Variants in NDUFA10 observed in about 807,000 individuals in gnomAD.
NDUFA10 encodes NADH:ubiquinone oxidoreductase subunit A10.
NDUFA10 carries 40 observed loss-of-function variants against 47.8 expected under a neutral mutation model. That is an observed-to-expected ratio of 0.84 (90% confidence interval 0.65 to 1.09). The LOEUF (loss-of-function observed/expected upper bound fraction) is 1.09, where lower values mean the gene tolerates loss of function less well. NDUFA10 is among the 50% of genes least tolerant of loss of function. The pLI is 0.00. For missense variants in NDUFA10, 413 were observed against 451.1 expected, an observed-to-expected ratio of 0.92 and a Z score of 0.76; for synonymous variants, 183 against 172.2, an observed-to-expected ratio of 1.06 and a Z score of -0.49.
At chr2:239,950,728 G>A (rs1284353229) in intron 4 of NDUFA10, among the ~76,000 whole-genome samples, 1 of 152,238 alleles carries the variant, frequency 6.6e-6, no homozygotes, top group Non-Finnish European at 1.5e-5. Flanking sequence ...ACGTGCAGGT[G>A]AGTGGCAGCC....
At chr2:239,963,432 TCA>T in intron 9 of NDUFA10, among the ~76,000 whole-genome samples, 1 of 152,326 alleles carries the variant, frequency 6.6e-6, no homozygotes, top group Non-Finnish European at 1.5e-5. Context: ...CTTTCTGGCT[TCA>T]CAGTCTGACA....
Position 239,915,366 on chromosome 2 carries a change from GAC to G in NDUFA10, c.295-20054_295-20053del, listed in dbSNP as rs1330862509. Among the ~76,000 whole-genome samples, 21 of 136,540 alleles carry G rather than the reference GAC, an allele frequency of 1.5e-4. 2 individuals are homozygous for G. The highest frequency in any genetic ancestry group is 6.1e-4 in the African/African-American group (21 of 34,366). 89.6% of individuals were successfully genotyped at this position (136,540 alleles called of 152,430 possible). ...ATACTCAGACACACACAAATATACA[GAC>G]ACACACAGAGACAGAGATACACATA... On this transcript the variant is annotated intron_variant, in intron 4 of 5. Coordinates refer to the NDUFA10 transcript ENST00000419408.
chr2:239,993,845 T>C (rs1470076554), intron 8 of NDUFA10, among the ~76,000 whole-genome samples: 1 of 151,868 alleles, frequency 6.6e-6, no homozygotes, highest in African/African-American at 2.4e-5. Flanking sequence ...AGGATTATGG[T>C]TGACAGAGGA....
chr2:240,007,373 G>GT lies in NDUFA10; in HGVS notation c.750-4dup, dbSNP rs749878799. Reference sequence around the variant, plus strand: ...ATTGTAAAACCTCACATTTTTCACTGTAAGAAAAAACAAGATGAAATTCAG... The same window carrying GT: ...ATTGTAAAACCTCACATTTTTCACTGTTAAGAAAAAACAAGATGAAATTCAG... On this transcript the variant is annotated splice_polypyrimidine_tract_variant and splice_region_variant and intron_variant, in intron 6 of 9. Coordinates refer to ENST00000252711, the MANE Select transcript of NDUFA10 (RefSeq NM_004544.4). 1 of 1,576,676 alleles carries GT rather than the reference G, an allele frequency of 6.3e-7. No homozygotes were observed. The highest frequency in any genetic ancestry group is 1.1e-5 in the South Asian group (1 of 90,280).
intron 9 of NDUFA10, chr2:239,983,633 C>G: frequency 6.3e-7 from 1 of 1,583,138 alleles, no homozygotes; most frequent in South Asian, 1.2e-5. Context: ...GTCAGGGCCA[C>G]GGTGCCAGGC....
chr2:239,959,963 T>C lies in NDUFA10; in HGVS notation c.*1155A>G. On this transcript the variant is annotated 3_prime_UTR_variant, in exon 10 of 10. Transcript: ENST00000252711. The stretch of plus-strand genomic sequence containing the variant: ...CCGCGGGGAGCAGAGCATCGTCCTC[T>C]GCACCAGCACTGGAACTACTGCCCA... The C allele has an allele frequency of 1.0e-6, 1 of 985,520 alleles. No individual in the cohort carries two copies. 61.0% of individuals were successfully genotyped at this position (985,520 alleles called of 1,614,324 possible). A position where few individuals can be genotyped will look rare whatever the true frequency, so the allele number is the denominator to read the frequency against.
rs35575752 is a variant in NDUFA10, at chr2:239,945,015, GCTT to G, written c.294+45056_294+45058del. Among the ~76,000 whole-genome samples the G allele has an allele frequency of 0.44, 66,741 of 151,650 alleles. 15,064 individuals are homozygous for G. Among genetic ancestry groups the G allele is most frequent in the East Asian group, 0.66 (3,366 of 5,088 alleles). ...ACTTCCCAGGGGGCCTGTGGAGGCT[GCTT>G]CTTTATTGCAAGGTGCCTCCCCGAG... On this transcript the variant is annotated intron_variant, in intron 4 of 5. Transcript: ENST00000419408. This position sits in a 1 kb window ranked among gnomAD's most constrained non-coding sequence, Gnocchi z 4.6.
At chr2:239,983,683 G>T in intron 9 of NDUFA10, 1 of 1,575,436 alleles carries the variant, frequency 6.3e-7, no homozygotes, top group Non-Finnish European at 8.6e-7. Flanking sequence ...CACCTCTGTG[G>T]ATTCCTCCCC....
intron 1 of NDUFA10, among the ~76,000 whole-genome samples, chr2:240,023,846 C>G (rs766989372): frequency 5.3e-5 from 8 of 152,210 alleles, no homozygotes; most frequent in Non-Finnish European, 1.2e-4. Context: ...GTAAACACCT[C>G]TCGCAAATGA....
chr2:240,019,395 CT>C (rs775648051), intron 3 of NDUFA10, among the ~76,000 whole-genome samples: 2 of 151,770 alleles, frequency 1.3e-5, no homozygotes, highest in African/African-American at 2.4e-5. Flanking sequence ...GCAAGCTGCA[CT>C]TTTTTTTTCT....
At chr2:239,983,798 T>A (rs774257010) in intron 9 of NDUFA10, 26 of 1,506,848 alleles carry the variant, frequency 1.7e-5, no homozygotes, top group Non-Finnish European at 2.3e-5. Context: ...AAACAAAGTC[T>A]GAGAAAATGT....
rs537069618 is a variant in NDUFA10 at position 239,899,015 on chromosome 2, G to A, written c.295-3701C>T. On this transcript the variant is annotated intron_variant, in intron 4 of 5. Transcript: ENST00000419408. ...GGTGTGATGGAGAGGTGTGATGGAG[G>A]GGAGTCATGGAGGGGTGTAAAGGAG... is the stretch of plus-strand genomic sequence containing the variant. 5.2e-3 allele frequency among the ~76,000 whole-genome samples: 540 copies of A among 104,294 alleles called. 4 individuals carry two copies. Among genetic ancestry groups the A allele is most frequent in the East Asian group, 0.011 (37 of 3,488 alleles). 68.4% of individuals were successfully genotyped at this position (104,294 alleles called of 152,430 possible).
chr2:239,949,901 T>C (rs960088940), intron 4 of NDUFA10, among the ~76,000 whole-genome samples: 7 of 152,162 alleles, frequency 4.6e-5, no homozygotes, highest in Non-Finnish European at 8.8e-5. Context: ...AGAATCCTTG[T>C]AACTGTCTCC....
chr2:239,965,873 C>T (rs879792842), intron 9 of NDUFA10, among the ~76,000 whole-genome samples: 4 of 152,200 alleles, frequency 2.6e-5, no homozygotes, highest in Admixed American at 6.5e-5. Flanking sequence ...ACAATGCGAA[C>T]GGAGTTTCCC....
chr2:239,896,493 G>A (rs979627225), intron 4 of NDUFA10, among the ~76,000 whole-genome samples: 2 of 152,166 alleles, frequency 1.3e-5, no homozygotes, highest in Non-Finnish European at 2.9e-5. Context: ...CAGGGTTGGG[G>A]GCACTGCAGC....
At chr2:239,904,290 T>C (rs767303096) in intron 4 of NDUFA10, among the ~76,000 whole-genome samples, 5 of 152,128 alleles carry the variant, frequency 3.3e-5, no homozygotes, top group Admixed American at 6.5e-5. Context: ...TTATTTATTA[T>C]TTATTTATTC....
chr2:239,907,154 G>T (rs1230354494), intron 4 of NDUFA10, among the ~76,000 whole-genome samples: 1 of 152,150 alleles, frequency 6.6e-6, no homozygotes, highest in African/African-American at 2.4e-5. Flanking sequence ...AACAAGAAAT[G>T]GGGAAAGGAT....
intron 4 of NDUFA10, among the ~76,000 whole-genome samples, chr2:239,897,494 A>C (rs1693419259): frequency 1.3e-5 from 2 of 152,258 alleles, no homozygotes; most frequent in South Asian, 4.1e-4. Context: ...ATTTGCCTAA[A>C]TATGGCCTCA....
At chr2:239,992,391 C>T (rs562485156) in intron 8 of NDUFA10, among the ~76,000 whole-genome samples, 2 of 152,202 alleles carry the variant, frequency 1.3e-5, no homozygotes, top group Admixed American at 1.3e-4. Context: ...TGTTTTATGA[C>T]TCAAGCTGTT....
Sources: gnomAD v4.1 joint callset for allele counts (sites outside exome capture counted in the v4.1 genomes callset) on GRCh38, gnomAD v4.1.1 for gene constraint, Gnocchi (gnomAD v3.1) non-coding constraint, MANE v1.5 for transcripts, NCBI Gene and HGNC (gene_info 2026-07-23, HGNC 2026-07-21) for gene names.